The following FAM81A variants were observed in gnomAD, a reference collection of about 807,000 sequenced individuals.
The protein encoded by FAM81A is protein FAM81A.
Under a neutral mutation model 46.7 loss-of-function variants are expected in FAM81A, and 19 were observed. The ratio of observed to expected loss-of-function variants is 0.41; its 90% CI spans 0.28 to 0.60. FAM81A has a LOEUF of 0.60. FAM81A is among the 20% of genes least tolerant of loss of function. The probability of loss-of-function intolerance (pLI) is 0.34; values close to 1 mark genes in which losing one functional copy is unlikely to be tolerated. For missense variants in FAM81A, 377 were observed against 453.5 expected (o/e 0.83, Z 1.53); for synonymous variants, 183 against 152.9 (o/e 1.20, Z -1.45).
chr15:59,481,065 G>A (rs1167157972), intron 3 of FAM81A, among the ~76,000 whole-genome samples: 1 of 152,054 alleles, frequency 6.6e-6, no homozygotes, highest in Admixed American at 6.6e-5. Context: ...TGGGAACATG[G>A]CTCACTGCAG....
intron 1 of FAM81A, among the ~76,000 whole-genome samples, chr15:59,456,378 C>A (rs570923422): frequency 1.3e-5 from 2 of 152,168 alleles, no homozygotes; most frequent in African/African-American, 4.8e-5. Context: ...CAGGCCAGAG[C>A]ATGTTCAGAA....
chr15:59,453,668 G>A (rs1267281959), intron 1 of FAM81A, among the ~76,000 whole-genome samples: 1 of 151,950 alleles, frequency 6.6e-6, no homozygotes, highest in Non-Finnish European at 1.5e-5. Flanking sequence ...AGGAAAACAG[G>A]CAGTAAAAAT....
rs372541829 is a variant in FAM81A, at chr15:59,523,535, A to G, written c.*2157A>G. ...TTACCAGAAATTTGCAATAAAAAGA[A>G]AAATAAAATTTTCACATAAATGTGG... is the stretch of plus-strand genomic sequence containing the variant. On this transcript the variant is annotated 3_prime_UTR_variant, in exon 9 of 9. Transcript: ENST00000288228. 213 of 152,364 alleles carry G rather than the reference A, an allele frequency of 1.4e-3. 1 individual carries two copies. The highest frequency in any genetic ancestry group is 4.7e-3 in the African/African-American group (196 of 41,580). 9.4% of individuals were successfully genotyped at this position (152,364 alleles called of 1,614,324 possible).
At chr15:59,461,020 T>C (rs1425943081) in intron 3 of FAM81A, among the ~76,000 whole-genome samples, 1 of 152,226 alleles carries the variant, frequency 6.6e-6, no homozygotes, top group Non-Finnish European at 1.5e-5. Context: ...TTAACCGCTT[T>C]ATTGAGATAT....
At chr15:59,441,642 G>C (rs2081298774) in intron 1 of FAM81A, among the ~76,000 whole-genome samples, 3 of 152,364 alleles carry the variant, frequency 2.0e-5, no homozygotes, top group African/African-American at 7.2e-5. Flanking sequence ...CCTGGCTGCA[G>C]ATCTGAGGCC....
At chr15:59,470,999 G>A (rs1016454788) in intron 3 of FAM81A, among the ~76,000 whole-genome samples, 1 of 151,990 alleles carries the variant, frequency 6.6e-6, no homozygotes, top group South Asian at 2.1e-4. Context: ...ATTTTTTGTA[G>A]AGACAAGGTT....
At chr15:59,437,687 C>A (rs1332659376), upstream of FAM81A, among the ~76,000 whole-genome samples, 1 of 151,982 alleles carries the variant, frequency 6.6e-6, no homozygotes, top group Non-Finnish European at 1.5e-5. Flanking sequence ...CAAATAACTT[C>A]TCCCCAATTT....
chr15:59,508,793 A>T, intron 5 of FAM81A, 70 bp from the exon 6 acceptor site: 2 of 1,101,102 alleles, frequency 1.8e-6, no homozygotes, highest in African/African-American at 1.6e-5. Flanking sequence ...AATATGGCTT[A>T]CTAAATGTTT....
intron 1 of FAM81A, among the ~76,000 whole-genome samples, chr15:59,453,181 A>G (rs538069808): frequency 6.6e-6 from 1 of 152,334 alleles, no homozygotes; most frequent in South Asian, 2.1e-4. Flanking sequence ...CTAAGGCCAG[A>G]CACTGTTCTG....
At chr15:59,427,436 A>C (rs55893541) in intron 2 of FAM81A, among the ~76,000 whole-genome samples, 1 of 151,984 alleles carries the variant, frequency 6.6e-6, no homozygotes, top group Non-Finnish European at 1.5e-5. Flanking sequence ...TAAATGTGCA[A>C]TTAAATGATT....
chr15:59,459,888 CA>C, intron 2 of FAM81A, 44 bp from the exon 3 acceptor site: 13 of 1,511,732 alleles, frequency 8.6e-6, no homozygotes, highest in Non-Finnish European at 1.1e-5. Flanking sequence ...TGGCTTTAAA[CA>C]TTATTTTTTC....
rs192216589 is a variant in FAM81A, at chr15:59,518,204, C to T, written c.982+1364C>T. On this transcript the variant is annotated intron_variant, in intron 8 of 8. Coordinates refer to ENST00000288228, the MANE Select transcript of FAM81A (RefSeq NM_152450.3). ...TGTTGGCCAGGCTAGTCTTGAACCCCCAACCTCAAATGATCCTCCCGCCTC... is the reference window on the plus strand; with the variant it reads ...TGTTGGCCAGGCTAGTCTTGAACCCTCAACCTCAAATGATCCTCCCGCCTC... Among the ~76,000 whole-genome samples, 122 of 151,728 alleles carry T rather than the reference C, an allele frequency of 8.0e-4. 2 individuals carry two copies. In the Middle Eastern group the frequency reaches 0.01, roughly 13 times the overall value.
chr15:59,516,553 C>T, intron 7 of FAM81A, 92 bp from the exon 8 acceptor site: 2 of 1,281,938 alleles, frequency 1.6e-6, no homozygotes, highest in Non-Finnish European at 2.2e-6. Context: ...CTGTTTCTTG[C>T]AGATTGTTGT....
Position 59,507,361 on chromosome 15 carries a change from A to G in FAM81A, c.543+19A>G. The G allele has an allele frequency of 6.2e-7, 1 of 1,607,906 alleles. No homozygotes were observed. The highest frequency in any genetic ancestry group is 8.5e-7 in the Non-Finnish European group (1 of 1,176,994). On this transcript the variant is annotated intron_variant, in intron 5 of 8. Coordinates refer to ENST00000288228, the MANE Select transcript of FAM81A (RefSeq NM_152450.3). ...GGGACAGGTACGACCTGTTTCAGGT[A>G]GCTTTTAGAAGCGGGTAATTTGTTC...
intron 2 of FAM81A, among the ~76,000 whole-genome samples, chr15:59,415,658 C>T (rs2081143621): frequency 6.6e-6 from 1 of 152,150 alleles, no homozygotes; most frequent in African/African-American, 2.4e-5. Context: ...TTGATTTTAG[C>T]CCAGTGAGGC....
intron 1 of FAM81A, chr15:59,402,080 A>G (rs2140462931): frequency 2.0e-6 from 1 of 501,520 alleles, no homozygotes; most frequent in Admixed American, 3.4e-5. Flanking sequence ...TTAGAGACCC[A>G]TGAGCTGACG....
At chr15:59,438,001 G>T (rs2081255041), upstream of FAM81A, among the ~76,000 whole-genome samples, 1 of 151,538 alleles carries the variant, frequency 6.6e-6, no homozygotes, top group Non-Finnish European at 1.5e-5. Flanking sequence ...GCTGGGCGCG[G>T]GTGCGCGGGG....
intron 3 of FAM81A, among the ~76,000 whole-genome samples, chr15:59,490,764 A>T (rs780666883): frequency 9.2e-4 from 140 of 152,302 alleles, no homozygotes; most frequent in Non-Finnish European, 6.5e-4. Flanking sequence ...TGAATCCAGG[A>T]GGTGGAGGTT....
At chr15:59,417,128 A>G (rs2081150085) in intron 2 of FAM81A, among the ~76,000 whole-genome samples, 1 of 152,068 alleles carries the variant, frequency 6.6e-6, no homozygotes, top group South Asian at 2.1e-4. Flanking sequence ...TTTTTAAAAG[A>G]AAAACAAAAT....
Sources: gnomAD v4.1 joint callset for allele counts (sites outside exome capture counted in the v4.1 genomes callset) on GRCh38, gnomAD v4.1.1 for gene constraint, MANE v1.5 for transcripts, NCBI Gene and HGNC (gene_info 2026-07-23, HGNC 2026-07-21) for gene names.